Variants in ABCA6 observed in about 807,000 individuals in gnomAD.
The protein encoded by ABCA6 is ATP-binding cassette sub-family A member 6.
A neutral mutation model predicts 191.2 loss-of-function variants in ABCA6; 164 were observed. The ratio of observed to expected loss-of-function variants is 0.86; its 90% CI spans 0.76 to 0.98. The LOEUF is 0.98. ABCA6 is among the 50% of genes least tolerant of loss of function. The pLI is 0.00. For missense variants in ABCA6, 1,958 were observed against 1,894.1 expected (o/e 1.03, Z -0.63); for synonymous variants, 636 against 647.7 (o/e 0.98, Z 0.27).
chr17:69,113,511 C>G, intron 14 of ABCA6, 107 bp downstream of exon 14: 1 of 1,564,398 alleles, frequency 6.4e-7, no homozygotes, highest in Non-Finnish European at 8.7e-7. Context: ...ATAGCAGGTT[C>G]TCTCTTGATG....
chr17:69,140,248 G>A (rs1169082072), intron 2 of ABCA6, among the ~76,000 whole-genome samples: 1 of 152,016 alleles, frequency 6.6e-6, no homozygotes, highest in East Asian at 1.9e-4. Context: ...CAATTTTTGT[G>A]TAGAAAATTC....
chr17:69,141,537 C>A (rs1030041598), intron 1 of ABCA6, among the ~76,000 whole-genome samples: 7 of 152,118 alleles, frequency 4.6e-5, no homozygotes, highest in Non-Finnish European at 7.4e-5. Context: ...TCTCCCTCAG[C>A]TAGCACAGAA....
chr17:69,111,756 A>G (rs1398514810), intron 16 of ABCA6: 1 of 161,286 alleles, frequency 6.2e-6, no homozygotes, highest in African/African-American at 2.4e-5. Flanking sequence ...CTTTTTTGTT[A>G]GCCACAGTTA....
rs749152587 is a variant in ABCA6, at chr17:69,102,987, G to T, written c.2741-19C>A. ...TTTGATTCTAATATGAAGTTAATAA[G>T]AGAAGGCCATAGAAAAGTAAGAAAA... On this transcript the variant is annotated intron_variant, in intron 20 of 38. Transcript: ENST00000284425. 4.9e-6 allele frequency: 7 copies of T among 1,435,892 alleles called. No homozygotes were observed. In the South Asian group the frequency reaches 8.8e-5, roughly 18 times the overall value. The allele number at this position is 1,435,892 out of a possible 1,614,324, so 88.9% of individuals were successfully genotyped here. A position where few individuals can be genotyped will look rare whatever the true frequency, so the allele number is the denominator to read the frequency against.
At chr17:69,136,351 A>C (rs1217702882) in intron 3 of ABCA6, 101 bp from the exon 4 acceptor site, 4 of 958,466 alleles carry the variant, frequency 4.2e-6, no homozygotes, top group Non-Finnish European at 5.7e-6. Flanking sequence ...CATTAGACTT[A>C]AATTAAAATC....
chr17:69,117,835 G>A (rs942755454), intron 11 of ABCA6, 63 bp downstream of exon 11: 2 of 1,243,792 alleles, frequency 1.6e-6, no homozygotes, highest in African/African-American at 1.5e-5. Context: ...CACATTGAAT[G>A]TTTCCCTTTT....
intron 6 of ABCA6, among the ~76,000 whole-genome samples, chr17:69,131,962 G>A (rs930136860): frequency 5.3e-5 from 8 of 152,136 alleles, no homozygotes; most frequent in Admixed American, 2.0e-4. Context: ...GACTCCATGG[G>A]AGGCTCTAAG....
At chr17:69,094,715 C>T in intron 25 of ABCA6, 1 of 158,746 alleles carries the variant, frequency 6.3e-6, no homozygotes. Context: ...TACGGTAAGC[C>T]AGGGGCAACT....
intron 10 of ABCA6, among the ~76,000 whole-genome samples, chr17:69,121,385 A>G (rs12602766): frequency 0.073 from 11,095 of 152,166 alleles, 536 homozygotes; most frequent in Admixed American, 0.15. Context: ...TTGACCGCCT[A>G]AGCCTACTTT....
At chr17:69,081,268 G>A in intron 36 of ABCA6, 123 bp from the exon 37 acceptor site, 2 of 552,428 alleles carry the variant, frequency 3.6e-6, no homozygotes, top group East Asian at 3.0e-5. Context: ...ATTAATGTAT[G>A]GCTTAAATAT....
At chr17:69,117,864 TGAAA>T (rs1254882107) in intron 11 of ABCA6, 30 bp downstream of exon 11, 1 of 1,457,264 alleles carries the variant, frequency 6.9e-7, no homozygotes, top group Non-Finnish European at 9.5e-7. Flanking sequence ...AAGAAAGAAG[TGAAA>T]GAATGAAATT....
chr17:69,083,271 G>A lies in ABCA6; in HGVS notation c.4416C>T (p.Asn1472=), dbSNP rs764039055. ...CACACAAGGCTTCCGCCTCAGCCAG[G>A]TTATGGGTGGTCAGGAGGACACCTC... ...TERGVLLTTH[N]LAEAEALCDR... is the part of the protein sequence containing the mutation. The change falls in exon 35 of 39, where the codon AAC becomes AAT. Residue 1472 remains asparagine, a synonymous_variant. Transcript: ENST00000284425. 1 of 1,611,340 alleles carries A rather than the reference G, an allele frequency of 6.2e-7. No homozygotes were observed. Among genetic ancestry groups the A allele is most frequent in the South Asian group, 1.1e-5 (1 of 90,560 alleles).
chr17:69,140,002 G>GAGTTAATGGGTGCAGCACAAATGA (rs1568040489), intron 2 of ABCA6, among the ~76,000 whole-genome samples: 5 of 150,112 alleles, frequency 3.3e-5, no homozygotes, highest in Non-Finnish European at 7.4e-5. Flanking sequence ...ATGCTAAATG[G>GAGTTAATGGGTGCAGCACAAATGA]CGAGTTAATG....
At chr17:69,121,228 T>G (rs2073634869) in intron 10 of ABCA6, among the ~76,000 whole-genome samples, 2 of 152,088 alleles carry the variant, frequency 1.3e-5, no homozygotes, top group Non-Finnish European at 2.9e-5. Context: ...AAATGATCAC[T>G]GTGAAGAAAG....
rs147655226 is a variant in ABCA6 at position 69,113,343 on chromosome 17, T to C, written c.1920A>G (p.Glu640=). 6.2e-5 allele frequency: 99 copies of C among 1,591,610 alleles called. No homozygotes were observed. Among genetic ancestry groups the C allele is most frequent in the Middle Eastern group, 5.0e-4 (3 of 6,008 alleles). Residue 640 remains glutamate, a synonymous_variant, in exon 15 of 39, where the codon GAA becomes GAG. Coordinates refer to ENST00000284425, the MANE Select transcript of ABCA6 (RefSeq NM_080284.3). Reference sequence around the variant, plus strand: ...AAAAGGGATCCAATCCAGTAGTTGGTTCATCTAAAAGCAAAATCTACAGAG... The same window carrying C: ...AAAAGGGATCCAATCCAGTAGTTGGCTCATCTAAAAGCAAAATCTACAGAG... The part of the protein sequence containing the change: ...LGDPQILLLD[E]PTTGLDPFSR...
At position 69,082,916 on chromosome 17, in the gene ABCA6, T is replaced by C. The variant is rs1300162072; in HGVS notation, c.4573A>G (p.Thr1525Ala). The C allele has an allele frequency of 1.9e-6, 3 of 1,614,098 alleles. No homozygotes were observed. The highest frequency in any genetic ancestry group is 2.5e-6 in the Non-Finnish European group (3 of 1,180,026). ...TGTGGGAAAAGCTTCAGAATCTCAG[T>C]GTGGACCAAAGTCACTTGAGACGTT... ...KETSQVTLVHTEILKLFPQAA... is the reference protein window; with the variant it reads ...KETSQVTLVHAEILKLFPQAA... Residue 1525 changes from threonine (T) to alanine (A), a missense_variant, in exon 36 of 39, where the codon ACT (threonine) becomes GCT (alanine). By Grantham distance (58) the Thr-to-Ala change is moderately conservative. Transcript: ENST00000284425.
chr17:69,084,858 C>T (rs1320654691), intron 32 of ABCA6, among the ~76,000 whole-genome samples, 170 bp downstream of exon 32: 1 of 152,156 alleles, frequency 6.6e-6, no homozygotes, highest in Non-Finnish European at 1.5e-5. Context: ...AAAGATCTCT[C>T]ATTCAGGGAT....
chr17:69,096,510 TTTTTG>T (rs1284538146), intron 24 of ABCA6, 113 bp downstream of exon 24: 1 of 922,258 alleles, frequency 1.1e-6, no homozygotes, highest in South Asian at 3.3e-5. Flanking sequence ...CTTTGCATGT[TTTTTG>T]TTTTGGTTTA....
intron 20 of ABCA6, 76 bp from the exon 21 acceptor site, chr17:69,103,044 C>T (rs1207615677): frequency 8.0e-6 from 7 of 871,462 alleles, no homozygotes; most frequent in African/African-American, 7.0e-5. Context: ...AAGTCATATA[C>T]ATAATTAAAG....
Sources: allele counts gnomAD v4.1 joint callset (sites outside exome capture counted in the v4.1 genomes callset), GRCh38; gene constraint gnomAD v4.1.1; transcripts MANE v1.5; gene names NCBI Gene and HGNC (gene_info 2026-07-23, HGNC 2026-07-21).